Variants in TTC28 observed in about 807,000 individuals in gnomAD.
TTC28 encodes the protein tetratricopeptide repeat domain 28.
In TTC28, 61 loss-of-function variants were observed where a neutral mutation model predicts 198.0. The ratio of observed to expected loss-of-function variants is 0.31; its 90% CI spans 0.25 to 0.38. The LOEUF (loss-of-function observed/expected upper bound fraction) is 0.38, where lower values mean the gene tolerates loss of function less well. Among genes scored for constraint, TTC28 ranks in the 10% least tolerant of loss-of-function variants. The pLI is 1.00. For missense variants in TTC28, 2,678 were observed against 3,164.0 expected (o/e 0.85, Z 3.69); for synonymous variants, 1,171 against 1,297.8 (o/e 0.90, Z 2.10).
intron 2 of TTC28, among the ~76,000 whole-genome samples, chr22:28,567,475 CATACATATATATATATATATATAT>C (rs1328555402): frequency 2.2e-4 from 3 of 13,776 alleles, no homozygotes; most frequent in Non-Finnish European, 3.5e-4. Flanking sequence ...CATATACATA[CATACATATATATATATATATATAT>C]ATATATATAT....
chr22:28,292,850 C>G (rs1047285798), intron 5 of TTC28, among the ~76,000 whole-genome samples: 1 of 152,186 alleles, frequency 6.6e-6, no homozygotes, highest in African/African-American at 2.4e-5. Context: ...AAGGGAGTAA[C>G]CCCACACCAC....
rs137877134 is a variant in TTC28, at chr22:28,159,452, G to A, written c.1441+3640C>T. On this transcript the variant is annotated intron_variant, in intron 6 of 22. Transcript: ENST00000397906. ...AGGCAGATCACAAGGTCAGGAGTTC[G>A]ATACCAGCCTGGGCAATATGCTGAA... Among the ~76,000 whole-genome samples, 293 of 152,190 alleles carry A rather than the reference G, an allele frequency of 1.9e-3. 2 individuals carry two copies. Among genetic ancestry groups the A allele is most frequent in the Middle Eastern group, 0.014 (4 of 294 alleles).
chr22:28,146,298 A>C (rs1477398639), intron 6 of TTC28, among the ~76,000 whole-genome samples: 1 of 152,236 alleles, frequency 6.6e-6, no homozygotes, highest in African/African-American at 2.4e-5. Context: ...TACCAGAGCC[A>C]CAGGGGAGAA....
At chr22:28,202,700 G>A (rs984813076) in intron 5 of TTC28, among the ~76,000 whole-genome samples, 4 of 152,112 alleles carry the variant, frequency 2.6e-5, no homozygotes, top group Admixed American at 1.3e-4. Flanking sequence ...AGAGGTGCAC[G>A]CACTGTCTAG....
intron 6 of TTC28, among the ~76,000 whole-genome samples, chr22:28,156,279 A>G (rs898240937): frequency 2.0e-5 from 3 of 152,236 alleles, no homozygotes; most frequent in Non-Finnish European, 4.4e-5. Flanking sequence ...GGAGAAACGC[A>G]AGTCAGGGTC....
intron 2 of TTC28, among the ~76,000 whole-genome samples, chr22:28,606,824 A>T (rs758225332): frequency 7.9e-5 from 12 of 152,340 alleles, no homozygotes; most frequent in Admixed American, 2.6e-4. Context: ...ATAAACAGGT[A>T]ATAACAATTG....
chr22:28,290,446 T>G (rs748451927), intron 5 of TTC28, among the ~76,000 whole-genome samples: 10 of 151,846 alleles, frequency 6.6e-5, no homozygotes, highest in Non-Finnish European at 1.0e-4. Flanking sequence ...AAAATAGGAG[T>G]GTAACATAAG....
chr22:28,219,853 G>C (rs1024003479), intron 5 of TTC28, among the ~76,000 whole-genome samples: 3 of 152,110 alleles, frequency 2.0e-5, no homozygotes, highest in African/African-American at 7.2e-5. Flanking sequence ...GTTTCAAAAG[G>C]GATGACAAAC....
Position 28,005,049 on chromosome 22 carries a change from T to C in TTC28, c.4219-3496A>G, listed in dbSNP as rs886790654. On this transcript the variant is annotated intron_variant, in intron 14 of 22. Transcript: ENST00000397906. This position sits in a 1 kb window ranked among gnomAD's most constrained non-coding sequence, Gnocchi z 4.9. ...ACAGATTCCATCAAAGACTCAGATGTTCTGACCTCTGCAGTTTCTAGTAAT... is the reference window on the plus strand; with the variant it reads ...ACAGATTCCATCAAAGACTCAGATGCTCTGACCTCTGCAGTTTCTAGTAAT... Among the ~76,000 whole-genome samples the C allele has an allele frequency of 1.3e-5, 2 of 152,168 alleles. No individual in the cohort carries two copies. Among genetic ancestry groups the C allele is most frequent in the African/African-American group, 4.8e-5 (2 of 41,426 alleles).
intron 2 of TTC28, among the ~76,000 whole-genome samples, chr22:28,524,807 G>A (rs544889561): frequency 2.8e-4 from 42 of 152,094 alleles, no homozygotes; most frequent in Non-Finnish European, 4.3e-4. Flanking sequence ...TCATATGTTG[G>A]TGATGAAAAT....
At chr22:28,235,611 AGAACAT>A (rs1389919294) in intron 5 of TTC28, among the ~76,000 whole-genome samples, 5 of 152,250 alleles carry the variant, frequency 3.3e-5, no homozygotes, top group African/African-American at 1.2e-4. Context: ...ACACTGGAAT[AGAACAT>A]GAAGTCCAGA....
chr22:28,152,254 T>C (rs1374051636), intron 6 of TTC28, among the ~76,000 whole-genome samples: 3 of 152,208 alleles, frequency 2.0e-5, no homozygotes, highest in Non-Finnish European at 4.4e-5. Context: ...CCTCTAGGAA[T>C]GCTTGCTGTC....
At chr22:28,515,937 A>C (rs1277515440) in intron 2 of TTC28, among the ~76,000 whole-genome samples, 1 of 152,074 alleles carries the variant, frequency 6.6e-6, no homozygotes, top group Non-Finnish European at 1.5e-5. Flanking sequence ...CTGAGGTCAG[A>C]AGTTCAAGAC....
chr22:28,132,052 A>G (rs888043507), intron 6 of TTC28, among the ~76,000 whole-genome samples: 1 of 152,180 alleles, frequency 6.6e-6, no homozygotes, highest in African/African-American at 2.4e-5. Flanking sequence ...CTTGTTGACC[A>G]CAATTCCCAA....
rs1601390392 is a variant in TTC28, at chr22:28,151,471, C to T, written c.1441+11621G>A. Among the ~76,000 whole-genome samples, 11 of 152,350 alleles carry T rather than the reference C, an allele frequency of 7.2e-5. 2 individuals are homozygous for T. In the South Asian group the frequency reaches 2.3e-3, roughly 32 times the overall value. The stretch of plus-strand genomic sequence containing the variant: ...AAATTTACTGCCCCGTCTTCCTCTG[C>T]TCACATGTTTACAGATGCACAGTAT... On this transcript the variant is annotated intron_variant, in intron 6 of 22. Transcript: ENST00000397906.
intron 13 of TTC28, among the ~76,000 whole-genome samples, chr22:28,023,763 G>C (rs927899227): frequency 6.6e-6 from 1 of 152,274 alleles, no homozygotes; most frequent in Admixed American, 6.5e-5. Flanking sequence ...ATGGATGAGG[G>C]CCTGTGGGGC....
chr22:28,479,283 G>A (rs996921652), intron 2 of TTC28, among the ~76,000 whole-genome samples: 1 of 152,122 alleles, frequency 6.6e-6, no homozygotes, highest in Non-Finnish European at 1.5e-5. Flanking sequence ...GAAGGAGGGG[G>A]CCACTTTGGA....
chr22:27,998,315 C>T, intron 16 of TTC28: 1 of 718,670 alleles, frequency 1.4e-6, no homozygotes, highest in Non-Finnish European at 2.2e-6. Flanking sequence ...TTCATACACT[C>T]ATGGCAAATG....
At chr22:28,529,358 G>T (rs543238061) in intron 2 of TTC28, among the ~76,000 whole-genome samples, 1 of 152,320 alleles carries the variant, frequency 6.6e-6, no homozygotes, top group African/African-American at 2.4e-5. Context: ...GAGGCTGGGG[G>T]ACGGGCGCCC....
Sources: allele counts gnomAD v4.1 joint callset (sites outside exome capture counted in the v4.1 genomes callset), GRCh38; gene constraint gnomAD v4.1.1; non-coding constraint Gnocchi (gnomAD v3.1); transcripts MANE v1.5; gene names NCBI Gene and HGNC (gene_info 2026-07-23, HGNC 2026-07-21).